GPM6A: variants seen among roughly 807,000 people sequenced by gnomAD.
GPM6A encodes neuronal membrane glycoprotein M6-a.
GPM6A carries 7 observed loss-of-function variants against 32.1 expected under a neutral mutation model. That is an observed-to-expected ratio of 0.22 (90% CI 0.12 to 0.41). The LOEUF (loss-of-function observed/expected upper bound fraction) is 0.41, where lower values mean the gene tolerates loss of function less well. Among genes scored for constraint, GPM6A ranks in the 10% least tolerant of loss-of-function variants. GPM6A has a pLI of 1.00. For missense variants in GPM6A, 235 were observed against 347.2 expected, an observed-to-expected ratio of 0.68 and a Z score of 2.57; for synonymous variants, 130 against 123.4, an observed-to-expected ratio of 1.05 and a Z score of -0.35.
intron 1 of GPM6A, among the ~76,000 whole-genome samples, chr4:175,901,146 G>T (rs1412769839): frequency 6.6e-6 from 1 of 150,772 alleles, no homozygotes; most frequent in Non-Finnish European, 1.5e-5. Flanking sequence ...GGGGGCTGAG[G>T]GCGAAGTTGG....
At chr4:175,640,228 C>T in intron 5 of GPM6A, 34 bp from the exon 6 acceptor site, 1 of 1,548,758 alleles carries the variant, frequency 6.5e-7, no homozygotes, top group East Asian at 2.2e-5. Context: ...CAAAAGGTGT[C>T]AGAGTTATAG....
chr4:175,812,139 G>T, intron 1 of GPM6A, 52 bp downstream of exon 1: 1 of 1,379,504 alleles, frequency 7.2e-7, no homozygotes, highest in East Asian at 2.4e-5. Context: ...AAGCAAACAA[G>T]GAAACTGCAA....
chr4:175,812,462 G>A (rs1734970219), upstream of GPM6A: 3 of 1,250,082 alleles, frequency 2.4e-6, no homozygotes, highest in African/African-American at 1.6e-5. Context: ...TTACTCTTCC[G>A]TGAAGATTAT....
chr4:175,779,561 T>C (rs1203923715), intron 1 of GPM6A, among the ~76,000 whole-genome samples: 2 of 152,146 alleles, frequency 1.3e-5, no homozygotes, highest in Non-Finnish European at 2.9e-5. Context: ...GCTTTTCAGG[T>C]CTCATGGCTC....
chr4:175,911,204 C>A lies in GPM6A; in HGVS notation c.-23+91105G>T, dbSNP rs548615330. 3.3e-5 allele frequency among the ~76,000 whole-genome samples: 5 copies of A among 152,238 alleles called. No homozygotes were observed. The East Asian group carries it at 7.7e-4, about 24-fold the overall frequency. On this transcript the variant is annotated intron_variant, in intron 1 of 7. Coordinates refer to the GPM6A transcript ENST00000280187. ...TAAGCTTTTCAGCTGACGTTAGGAT[C>A]CTTCTCTTTTGACTTGGACAAAAGG... is the stretch of plus-strand genomic sequence containing the variant.
chr4:175,797,277 A>G (rs766505407), intron 1 of GPM6A, among the ~76,000 whole-genome samples: 3 of 152,144 alleles, frequency 2.0e-5, no homozygotes. Context: ...TTCCATCACA[A>G]TATTGATAAC....
chr4:175,872,410 A>G (rs918878836), intron 1 of GPM6A, among the ~76,000 whole-genome samples: 2 of 152,242 alleles, frequency 1.3e-5, no homozygotes, highest in African/African-American at 4.8e-5. Flanking sequence ...GGCATCAGCC[A>G]TCTTGGCTTC....
chr4:175,815,110 G>C (rs898088256), upstream of GPM6A, among the ~76,000 whole-genome samples: 43 of 151,918 alleles, frequency 2.8e-4, 1 homozygote, highest in Non-Finnish European at 6.2e-4. Context: ...TCCAGGGTTT[G>C]AGCAATTCTC....
chr4:175,649,422 A>G (rs1262307470), intron 4 of GPM6A, among the ~76,000 whole-genome samples: 2 of 152,218 alleles, frequency 1.3e-5, no homozygotes, highest in Non-Finnish European at 2.9e-5. Context: ...ACAAAGGATT[A>G]TTCTTTCTGT....
At chr4:175,942,701 T>C (rs1739451968) in intron 1 of GPM6A, among the ~76,000 whole-genome samples, 2 of 152,278 alleles carry the variant, frequency 1.3e-5, no homozygotes, top group South Asian at 4.1e-4. Context: ...AGTGTGGCGT[T>C]ATTTCTGAGG....
chr4:175,671,502 A>AAAAAAAAAAAAAC, intron 3 of GPM6A, among the ~76,000 whole-genome samples: 1 of 147,830 alleles, frequency 6.8e-6, no homozygotes, highest in Admixed American at 7.0e-5. Context: ...AAAAAAAAAA[A>AAAAAAAAAAAAAC]AAAAGCAGCA....
intron 1 of GPM6A, among the ~76,000 whole-genome samples, chr4:175,797,204 G>A (rs1218174024): frequency 6.6e-6 from 1 of 151,946 alleles, no homozygotes; most frequent in Non-Finnish European, 1.5e-5. Flanking sequence ...GATACTGATA[G>A]TTATACTTTT....
intron 1 of GPM6A, among the ~76,000 whole-genome samples, chr4:175,739,864 T>C (rs1247175081): frequency 6.6e-6 from 1 of 152,082 alleles, no homozygotes; most frequent in African/African-American, 2.4e-5. Context: ...TACTAAATTA[T>C]TTATGCCTTA....
chr4:175,772,018 G>A (rs1010359363), intron 1 of GPM6A, among the ~76,000 whole-genome samples: 5 of 152,180 alleles, frequency 3.3e-5, no homozygotes, highest in Admixed American at 1.3e-4. Flanking sequence ...TTTCTCCTGT[G>A]CATTTCTAGG....
At chr4:175,638,342 T>C (rs1350152272) in intron 6 of GPM6A, among the ~76,000 whole-genome samples, 1 of 151,990 alleles carries the variant, frequency 6.6e-6, no homozygotes, top group South Asian at 2.1e-4. Context: ...AGCTAATAAA[T>C]TGGAAATACT....
intron 1 of GPM6A, among the ~76,000 whole-genome samples, chr4:175,921,793 T>G (rs573588298): frequency 2.0e-5 from 3 of 152,310 alleles, no homozygotes; most frequent in African/African-American, 7.2e-5. Flanking sequence ...GAATTTTACA[T>G]TTACTTATTG....
chr4:175,709,864 G>C (rs1257357986), intron 1 of GPM6A, among the ~76,000 whole-genome samples: 1 of 151,954 alleles, frequency 6.6e-6, no homozygotes, highest in Non-Finnish European at 1.5e-5. Flanking sequence ...GGTTGATAAA[G>C]GAAAACCATC....
At chr4:175,877,739 G>A (rs750284723) in intron 1 of GPM6A, among the ~76,000 whole-genome samples, 2 of 151,982 alleles carry the variant, frequency 1.3e-5, no homozygotes, top group Non-Finnish European at 2.9e-5. Flanking sequence ...ATTCTGCCCC[G>A]GCCCCTCCCA....
chr4:175,787,383 T>C (rs1733844265), intron 1 of GPM6A: 2 of 1,535,150 alleles, frequency 1.3e-6, no homozygotes, highest in Middle Eastern at 1.7e-4. Context: ...GCTGGCTCCT[T>C]GTGAACTCTA....
Sources: gnomAD v4.1 joint callset for allele counts (sites outside exome capture counted in the v4.1 genomes callset) on GRCh38, gnomAD v4.1.1 for gene constraint, MANE v1.5 for transcripts, NCBI Gene and HGNC (gene_info 2026-07-23, HGNC 2026-07-21) for gene names.